PRKCH: variants seen among roughly 807,000 people sequenced by gnomAD.
The protein encoded by PRKCH is protein kinase C eta type.
In PRKCH, 28 loss-of-function variants were observed where a neutral mutation model predicts 82.5. The ratio of observed to expected loss-of-function variants is 0.34; its 90% CI spans 0.25 to 0.47. The LOEUF (loss-of-function observed/expected upper bound fraction) is 0.47, where lower values mean the gene tolerates loss of function less well. Among genes scored for constraint, PRKCH ranks in the 20% least tolerant of loss-of-function variants. The pLI is 1.00. For synonymous variants in PRKCH, 322 were observed against 327.4 expected (o/e 0.98, Z 0.18); for missense variants, 705 against 881.8 (o/e 0.80, Z 2.54).
At chr14:61,519,313 G>A (rs1035705084) in intron 10 of PRKCH, among the ~76,000 whole-genome samples, 8 of 141,044 alleles carry the variant, frequency 5.7e-5, no homozygotes, top group African/African-American at 2.3e-4. Context: ...ATGAATGAAT[G>A]AATGAATAAA....
intron 10 of PRKCH, among the ~76,000 whole-genome samples, chr14:61,500,553 A>G (rs1018989034): frequency 2.6e-5 from 4 of 152,112 alleles, no homozygotes; most frequent in Admixed American, 6.5e-5. Flanking sequence ...CACGGTGGAA[A>G]GTTAATTGGT....
chr14:61,541,431 A>C (rs2043183600), intron 12 of PRKCH, among the ~76,000 whole-genome samples: 1 of 152,158 alleles, frequency 6.6e-6, no homozygotes, highest in African/African-American at 2.4e-5. Flanking sequence ...AGAGCCATTA[A>C]ATGCCTTTTC....
At chr14:61,212,178 A>G (rs967828004) in intron 1 of PRKCH, among the ~76,000 whole-genome samples, 10 of 152,222 alleles carry the variant, frequency 6.6e-5, no homozygotes, top group African/African-American at 2.4e-4. Context: ...GAAAAACACA[A>G]TATAAAGAAT....
intron 13 of PRKCH, among the ~76,000 whole-genome samples, 194 bp downstream of exon 13, chr14:61,548,080 A>G (rs1229520484): frequency 6.6e-6 from 1 of 151,918 alleles, no homozygotes; most frequent in Non-Finnish European, 1.5e-5. Context: ...ATGTGCCCAC[A>G]TTAATTCTTA....
At chr14:61,215,611 T>G (rs752800348) in intron 1 of PRKCH, among the ~76,000 whole-genome samples, 2 of 152,250 alleles carry the variant, frequency 1.3e-5, no homozygotes, top group Non-Finnish European at 2.9e-5. Flanking sequence ...ATATTTATAT[T>G]TATTGGTTAA....
intron 1 of PRKCH, among the ~76,000 whole-genome samples, chr14:61,214,454 A>G (rs919268519): frequency 6.6e-6 from 1 of 151,898 alleles, no homozygotes; most frequent in Non-Finnish European, 1.5e-5. Context: ...AGGTTTGCCC[A>G]TACCCATTGC....
At chr14:61,253,778 T>C (rs79314818) in intron 1 of PRKCH, among the ~76,000 whole-genome samples, 7 of 152,298 alleles carry the variant, frequency 4.6e-5, no homozygotes, top group Non-Finnish European at 8.8e-5. Context: ...TTTCCTCCTC[T>C]GCAAAATTGG....
chr14:61,237,083 G>T (rs1434663550), intron 1 of PRKCH, among the ~76,000 whole-genome samples: 2 of 151,498 alleles, frequency 1.3e-5, no homozygotes, highest in Admixed American at 1.3e-4. Flanking sequence ...TTGGGGTCTG[G>T]ATACAGACCC....
At chr14:61,357,241 C>T (rs1594942368) in intron 1 of PRKCH, among the ~76,000 whole-genome samples, 2 of 152,166 alleles carry the variant, frequency 1.3e-5, no homozygotes, top group African/African-American at 2.4e-5. Flanking sequence ...TGCTATTTAA[C>T]GATTACTCCA....
At chr14:61,375,866 T>G (rs1054919258) in intron 1 of PRKCH, among the ~76,000 whole-genome samples, 1 of 151,872 alleles carries the variant, frequency 6.6e-6, no homozygotes, top group Non-Finnish European at 1.5e-5. Flanking sequence ...AAGGCTTGTG[T>G]GGCAAATATT....
chr14:61,435,256 A>C (rs1883620976), intron 2 of PRKCH, among the ~76,000 whole-genome samples: 2 of 152,194 alleles, frequency 1.3e-5, no homozygotes, highest in Admixed American at 1.3e-4. Flanking sequence ...TCCTTCCCGA[A>C]TAAACTACTT....
chr14:61,518,379 T>C (rs2139987896), intron 10 of PRKCH, among the ~76,000 whole-genome samples: 1 of 151,918 alleles, frequency 6.6e-6, no homozygotes, highest in South Asian at 2.1e-4. Flanking sequence ...TTTGCACCGC[T>C]TCAGCCAGGG....
chr14:61,430,638 C>G (rs1883341422), intron 2 of PRKCH, among the ~76,000 whole-genome samples: 1 of 152,200 alleles, frequency 6.6e-6, no homozygotes, highest in Non-Finnish European at 1.5e-5. Flanking sequence ...AGGCAACCAT[C>G]AGGTGATGGT....
chr14:61,346,403 T>C (rs11852137), intron 1 of PRKCH, among the ~76,000 whole-genome samples: 1,545 of 152,364 alleles, frequency 0.01, 29 homozygotes, highest in African/African-American at 0.035. Context: ...CTGCATCATG[T>C]TGTACGTTCT....
At chr14:61,204,237 A>T (rs890943532) in intron 1 of PRKCH, among the ~76,000 whole-genome samples, 3 of 152,296 alleles carry the variant, frequency 2.0e-5, no homozygotes, top group Non-Finnish European at 4.4e-5. Context: ...TTATCAAGCT[A>T]ACCATGTGCC....
chr14:61,229,614 G>A (rs1384896866), intron 1 of PRKCH, among the ~76,000 whole-genome samples: 1 of 152,180 alleles, frequency 6.6e-6, no homozygotes, highest in Non-Finnish European at 1.5e-5. Context: ...GAGACCGAAG[G>A]GAAGATTTGG....
intron 9 of PRKCH, among the ~76,000 whole-genome samples, chr14:61,479,609 A>G (rs1428796213): frequency 6.6e-6 from 1 of 152,184 alleles, no homozygotes; most frequent in South Asian, 2.1e-4. Context: ...TCTCTTGTTC[A>G]TACAAATTGC....
At chr14:61,394,297 G>C (rs183249761) in intron 2 of PRKCH, among the ~76,000 whole-genome samples, 79 of 152,190 alleles carry the variant, frequency 5.2e-4, no homozygotes, top group Admixed American at 2.2e-3. Flanking sequence ...TTACAATTTG[G>C]GGGGGTGTTC....
intron 2 of PRKCH, among the ~76,000 whole-genome samples, chr14:61,429,731 TAG>T (rs1405156853): frequency 6.6e-6 from 1 of 152,076 alleles, no homozygotes; most frequent in Admixed American, 6.5e-5. Flanking sequence ...GAATTGTAAA[TAG>T]AGAGGAAGCA....
Sources: gnomAD v4.1 joint callset for allele counts (sites outside exome capture counted in the v4.1 genomes callset) on GRCh38, gnomAD v4.1.1 for gene constraint, MANE v1.5 for transcripts, NCBI Gene and HGNC (gene_info 2026-07-23, HGNC 2026-07-21) for gene names.